SIPA1L3: variants seen among roughly 807,000 people sequenced by gnomAD.
SIPA1L3 encodes the protein signal induced proliferation associated 1 like 3, also known as signal-induced proliferation-associated 1-like protein 3.
Under a neutral mutation model 150.1 loss-of-function variants are expected in SIPA1L3, and 59 were observed. The ratio of observed to expected loss-of-function variants is 0.39; its 90% CI spans 0.32 to 0.49. SIPA1L3 has a LOEUF of 0.49. Ranked by LOEUF, SIPA1L3 falls within the 20% of genes least tolerant of loss-of-function variation. The probability of loss-of-function intolerance (pLI) is 0.86; values close to 1 mark genes in which losing one functional copy is unlikely to be tolerated. For missense variants in SIPA1L3, 2,211 were observed against 2,489.5 expected (o/e 0.89, Z 2.38); for synonymous variants, 1,070 against 1,077.6 (o/e 0.99, Z 0.14).
At chr19:38,105,485 G>A (rs1970602499) in intron 6 of SIPA1L3, among the ~76,000 whole-genome samples, 1 of 152,142 alleles carries the variant, frequency 6.6e-6, no homozygotes, top group South Asian at 2.1e-4. Flanking sequence ...TTCCCACTCT[G>A]AAACATGGGC....
At chr19:37,995,093 C>A (rs1418294831) in intron 1 of SIPA1L3, among the ~76,000 whole-genome samples, 1 of 152,160 alleles carries the variant, frequency 6.6e-6, no homozygotes, top group Non-Finnish European at 1.5e-5. Context: ...TTCCTCTTCA[C>A]GTGCCTTTCC....
chr19:38,076,840 A>T (rs1327224541), intron 2 of SIPA1L3, among the ~76,000 whole-genome samples: 1 of 152,222 alleles, frequency 6.6e-6, no homozygotes, highest in African/African-American at 2.4e-5. Context: ...CACTGCCTGT[A>T]TGCCAGCAGG....
At chr19:38,165,305 GT>G (rs1284229756) in intron 15 of SIPA1L3, among the ~76,000 whole-genome samples, 1 of 152,192 alleles carries the variant, frequency 6.6e-6, no homozygotes, top group Non-Finnish European at 1.5e-5. Context: ...ACAAATAGAG[GT>G]GTAACAAACA....
chr19:37,998,978 AT>A (rs1967711936), intron 1 of SIPA1L3, among the ~76,000 whole-genome samples: 8 of 109,128 alleles, frequency 7.3e-5, no homozygotes, highest in African/African-American at 3.4e-4. Context: ...AGCCCTATCT[AT>A]CACACACACA....
At chr19:38,156,432 G>T (rs1971950738) in intron 13 of SIPA1L3, among the ~76,000 whole-genome samples, 1 of 151,006 alleles carries the variant, frequency 6.6e-6, no homozygotes, top group South Asian at 2.1e-4. Flanking sequence ...CTGGAGCTTG[G>T]CTCCCCTCTC....
rs371439349 is a variant in SIPA1L3, at chr19:38,082,742, G to A, written c.1177G>A (p.Gly393Arg). Residue 393 changes from glycine to arginine, a missense_variant, in exon 3 of 22, where the codon GGA (glycine) becomes AGA (arginine). Gly to Arg is a moderately radical substitution (Grantham distance 125). Coordinates refer to ENST00000222345, the MANE Select transcript of SIPA1L3 (RefSeq NM_015073.3). The part of the protein sequence containing the change: ...SLTASRAHSL[G>R]GLDPAFTSTE... ...CACGGCCTCGCGGGCCCACAGCCTC[G>A]GAGGCCTGGACCCGGCCTTCACCAG... 3.1e-5 allele frequency: 50 copies of A among 1,612,524 alleles called. No homozygotes were observed. The highest frequency in any genetic ancestry group is 6.6e-5 in the South Asian group (6 of 91,088).
At chr19:38,198,808 G>A (rs1316524917) in intron 19 of SIPA1L3, among the ~76,000 whole-genome samples, 1 of 152,222 alleles carries the variant, frequency 6.6e-6, no homozygotes, top group African/African-American at 2.4e-5. Context: ...AAACACGTGA[G>A]GCCAAGCACA....
At chr19:38,133,913 G>A (rs1291499675) in intron 10 of SIPA1L3, among the ~76,000 whole-genome samples, 2 of 152,118 alleles carry the variant, frequency 1.3e-5, no homozygotes, top group African/African-American at 4.8e-5. Flanking sequence ...GGAGGCCGAG[G>A]CCAGAAGATC....
chr19:38,176,817 C>A (rs1045320728), intron 15 of SIPA1L3, among the ~76,000 whole-genome samples: 2 of 151,754 alleles, frequency 1.3e-5, no homozygotes, highest in South Asian at 4.2e-4. Context: ...ACTAAAAATA[C>A]AAAATTAGCT....
At chr19:37,968,030 G>GT (rs1426531468) in intron 1 of SIPA1L3, among the ~76,000 whole-genome samples, 1 of 120,356 alleles carries the variant, frequency 8.3e-6, no homozygotes, top group Non-Finnish European at 1.7e-5. Context: ...CTCAGTAAAT[G>GT]TTAGTTTCAT....
Position 38,206,576 on chromosome 19 carries a change from C to G in SIPA1L3, c.*336C>G, listed in dbSNP as rs529986160. 1 of 216,262 alleles carries G rather than the reference C, an allele frequency of 4.6e-6. No homozygotes were observed. Among genetic ancestry groups the G allele is most frequent in the African/African-American group, 2.3e-5 (1 of 43,868 alleles). 13.4% of individuals were successfully genotyped at this position (216,262 alleles called of 1,614,324 possible). A position where few individuals can be genotyped will look rare whatever the true frequency, so the allele number is the denominator to read the frequency against. ...ACCAGCCCTTCGAAGCTGATGGGGACGGAGAGAGGAGCCAGTCTCCAGACG... is the reference window on the plus strand; with the variant it reads ...ACCAGCCCTTCGAAGCTGATGGGGAGGGAGAGAGGAGCCAGTCTCCAGACG... On this transcript the variant is annotated 3_prime_UTR_variant, in exon 22 of 22. Transcript: ENST00000222345.
rs1189693951 is a variant in SIPA1L3 at position 37,967,291 on chromosome 19, C to T, written c.-379+59933C>T. ...TTTTTGAGATGGAGTCTTGCTCTGTCGCCCAGGCTGGAGTGCAGTGGTGTG... is the reference window on the plus strand; with the variant it reads ...TTTTTGAGATGGAGTCTTGCTCTGTTGCCCAGGCTGGAGTGCAGTGGTGTG... On this transcript the variant is annotated intron_variant, in intron 1 of 21. Coordinates refer to ENST00000222345, the MANE Select transcript of SIPA1L3 (RefSeq NM_015073.3). 1.0e-4 allele frequency among the ~76,000 whole-genome samples: 15 copies of T among 150,042 alleles called. No homozygotes were observed. In the East Asian group the frequency reaches 2.8e-3, roughly 28 times the overall value.
intron 1 of SIPA1L3, among the ~76,000 whole-genome samples, chr19:37,937,794 C>A (rs184325058): frequency 7.3e-6 from 1 of 136,614 alleles, no homozygotes; most frequent in East Asian, 2.2e-4. Flanking sequence ...CACCTGTAAT[C>A]CCAGCACTTT....
intron 1 of SIPA1L3, among the ~76,000 whole-genome samples, chr19:38,022,817 T>G (rs1205790687): frequency 6.6e-6 from 1 of 152,194 alleles, no homozygotes; most frequent in Non-Finnish European, 1.5e-5. Flanking sequence ...AGAAAGAATT[T>G]GCACAGCCGC....
chr19:38,084,257 CCT>C (rs1970073130), intron 3 of SIPA1L3, among the ~76,000 whole-genome samples: 1 of 152,108 alleles, frequency 6.6e-6, no homozygotes, highest in African/African-American at 2.4e-5. Flanking sequence ...AAAAGGCAGA[CCT>C]CTTGTCAAGT....
intron 7 of SIPA1L3, among the ~76,000 whole-genome samples, chr19:38,106,989 A>G (rs938328239): frequency 6.6e-6 from 1 of 152,240 alleles, no homozygotes. Flanking sequence ...TTAACTAGAA[A>G]AAGAGATTTA....
At chr19:38,010,587 T>C (rs2145679589) in intron 1 of SIPA1L3, among the ~76,000 whole-genome samples, 1 of 152,186 alleles carries the variant, frequency 6.6e-6, no homozygotes, top group South Asian at 2.1e-4. Flanking sequence ...GGCAGGCACC[T>C]GTAATCCCAG....
chr19:38,130,717 T>A lies in SIPA1L3; in HGVS notation c.3088T>A (p.Ser1030Thr). The A allele has an allele frequency of 6.2e-7, 1 of 1,613,892 alleles. No individual in the cohort carries two copies. Among genetic ancestry groups the A allele is most frequent in the Non-Finnish European group, 8.5e-7 (1 of 1,179,838 alleles). ...CCAGATGATCGACCTGCTGCGCACC[T>A]CTGTCACTGTGAAGGTGGTCATCAT... ...HDQMIDLLRT[S>T]VTVKVVIIPP... is the part of the protein sequence containing the mutation. The change falls in exon 10 of 22, where the codon TCT becomes ACT. Residue 1030 changes from serine to threonine, a missense_variant. This residue lies in a region of SIPA1L3 where 625 missense variants were observed against 804.2 expected (regional missense o/e 0.78). Transcript: ENST00000222345.
chr19:37,996,332 C>T lies in SIPA1L3; in HGVS notation c.-378-32757C>T, dbSNP rs183601177. Among the ~76,000 whole-genome samples, 314 of 152,278 alleles carry T rather than the reference C, an allele frequency of 2.1e-3. 2 individuals carry two copies. Among genetic ancestry groups the T allele is most frequent in the African/African-American group, 7.1e-3 (294 of 41,572 alleles). On this transcript the variant is annotated intron_variant, in intron 1 of 21. Coordinates refer to ENST00000222345, the MANE Select transcript of SIPA1L3 (RefSeq NM_015073.3). ...CCTCGACCTCCTGGACACAAATGATCCTTCCTCCTCAGCCTCCCGAGTATC... is the reference window on the plus strand; with the variant it reads ...CCTCGACCTCCTGGACACAAATGATTCTTCCTCCTCAGCCTCCCGAGTATC...
Sources: allele counts gnomAD v4.1 joint callset (sites outside exome capture counted in the v4.1 genomes callset), GRCh38; gene constraint gnomAD v4.1.1; regional missense constraint gnomAD v4.1.1; transcripts MANE v1.5; gene names NCBI Gene and HGNC (gene_info 2026-07-23, HGNC 2026-07-21).